Variants in GALNT17 observed in about 807,000 individuals in gnomAD.
The protein encoded by GALNT17 is UDP-GalNAc:polypeptide N-acetylgalactosaminyltransferase-like 3.
In GALNT17, 29 loss-of-function variants were observed where a neutral mutation model predicts 63.7. The observed-to-expected ratio is 0.46, with a 90% CI of 0.34 to 0.62. The LOEUF (loss-of-function observed/expected upper bound fraction) is 0.62, where lower values mean the gene tolerates loss of function less well. Among genes scored for constraint, GALNT17 ranks in the 20% least tolerant of loss-of-function variants. GALNT17 has a pLI of 0.01. For missense variants in GALNT17, 603 were observed against 799.6 expected (o/e 0.75, Z 2.97); for synonymous variants, 305 against 318.3 (o/e 0.96, Z 0.45).
intron 1 of GALNT17, among the ~76,000 whole-genome samples, chr7:71,135,146 C>T (rs1046508640): frequency 3.9e-4 from 59 of 152,112 alleles, no homozygotes; most frequent in African/African-American, 1.4e-3. Context: ...GCCACCATGC[C>T]TGGCCCCAGT....
intron 5 of GALNT17, among the ~76,000 whole-genome samples, chr7:71,430,190 G>A (rs556955420): frequency 4.5e-4 from 69 of 152,238 alleles, no homozygotes; most frequent in African/African-American, 1.6e-3. Context: ...AAATTCAGTT[G>A]TGTTTTGTTA....
In GALNT17 at chr7:71,384,073, A is replaced by C. The variant is rs567623779; in HGVS notation, c.423-4162A>C. ...TCCATCAACAGTGCACAAGGGTTTC[A>C]ATTTCTCCGCATCCTCTTCAACACT... On this transcript the variant is annotated intron_variant, in intron 2 of 10. Coordinates refer to ENST00000333538, the MANE Select transcript of GALNT17 (RefSeq NM_022479.3). Among the ~76,000 whole-genome samples, 14 of 152,080 alleles carry C rather than the reference A, an allele frequency of 9.2e-5. No homozygotes were observed. In the South Asian group the frequency reaches 2.5e-3, roughly 27 times the overall value.
intron 5 of GALNT17, among the ~76,000 whole-genome samples, chr7:71,553,716 C>G (rs992090970): frequency 6.6e-6 from 1 of 152,188 alleles, no homozygotes. Flanking sequence ...CTCCAGCCCT[C>G]GTGTTCACTG....
chr7:71,160,816 GGTACGGCC>G (rs1352499402), intron 1 of GALNT17, among the ~76,000 whole-genome samples: 1 of 152,096 alleles, frequency 6.6e-6, no homozygotes, highest in East Asian at 1.9e-4. Flanking sequence ...TAGGCCAAAA[GGTACGGCC>G]TTTTCAAGGA....
chr7:71,194,322 A>G (rs1789007027), intron 1 of GALNT17, among the ~76,000 whole-genome samples: 1 of 152,194 alleles, frequency 6.6e-6, no homozygotes, highest in Non-Finnish European at 1.5e-5. Flanking sequence ...TCGAATAGTT[A>G]TTTGAAATTC....
At chr7:71,269,567 A>G (rs1278248695) in intron 1 of GALNT17, among the ~76,000 whole-genome samples, 1 of 152,142 alleles carries the variant, frequency 6.6e-6, no homozygotes, top group Non-Finnish European at 1.5e-5. Context: ...GGCTGGAGGA[A>G]GTATGGAGGG....
At chr7:71,377,892 T>C (rs984522639) in intron 2 of GALNT17, among the ~76,000 whole-genome samples, 1 of 152,200 alleles carries the variant, frequency 6.6e-6, no homozygotes, top group Non-Finnish European at 1.5e-5. Context: ...TCTGCTATGA[T>C]TGTAAGTTTC....
rs369207809 is a variant in GALNT17, at chr7:71,576,124, A to G, written c.1080+4722A>G. Among the ~76,000 whole-genome samples, 26 of 152,312 alleles carry G rather than the reference A, an allele frequency of 1.7e-4. 1 individual carries two copies. In the East Asian group the frequency reaches 5.0e-3, roughly 29 times the overall value. Reference sequence around the variant, plus strand: ...CTCTAATATATCAGTCCATTTACGAAGAAAAGGCATTCTCTTCTTCTGTTC... The same window carrying G: ...CTCTAATATATCAGTCCATTTACGAGGAAAAGGCATTCTCTTCTTCTGTTC... On this transcript the variant is annotated intron_variant, in intron 6 of 10. Coordinates refer to ENST00000333538, the MANE Select transcript of GALNT17 (RefSeq NM_022479.3).
chr7:71,601,941 C>T (rs10237977), intron 6 of GALNT17, among the ~76,000 whole-genome samples: 13,629 of 152,238 alleles, frequency 0.09, 739 homozygotes, highest in African/African-American at 0.16. Flanking sequence ...TGCCTTTGTG[C>T]GGATCTTCCC....
intron 9 of GALNT17, among the ~76,000 whole-genome samples, chr7:71,681,201 CCA>C (rs1265880548): frequency 2.6e-5 from 4 of 152,138 alleles, no homozygotes; most frequent in Admixed American, 2.6e-4. Context: ...GCACCCAGCC[CCA>C]GTTTTGCATT....
chr7:71,673,121 T>C (rs557587767), intron 8 of GALNT17, among the ~76,000 whole-genome samples: 24 of 152,254 alleles, frequency 1.6e-4, no homozygotes, highest in African/African-American at 5.8e-4. Context: ...AAACAAGCCT[T>C]TTAAAAAGCA....
chr7:71,282,288 A>G (rs1021937301), intron 1 of GALNT17, among the ~76,000 whole-genome samples: 4 of 152,222 alleles, frequency 2.6e-5, no homozygotes, highest in African/African-American at 9.6e-5. Context: ...AGTGCAGTTT[A>G]GCAAACATCT....
chr7:71,491,124 G>A (rs2116673329), intron 5 of GALNT17, among the ~76,000 whole-genome samples: 1 of 152,216 alleles, frequency 6.6e-6, no homozygotes, highest in East Asian at 1.9e-4. Flanking sequence ...AACCCAGGAG[G>A]CAGAGGTTGC....
At chr7:71,361,520 A>G (rs754237011) in intron 2 of GALNT17, among the ~76,000 whole-genome samples, 5 of 152,160 alleles carry the variant, frequency 3.3e-5, no homozygotes, top group Non-Finnish European at 5.9e-5. Context: ...TATATTTACT[A>G]TATAGTAGAC....
At chr7:71,683,039 C>T (rs1791291609) in intron 9 of GALNT17, among the ~76,000 whole-genome samples, 1 of 152,086 alleles carries the variant, frequency 6.6e-6, no homozygotes, top group Admixed American at 6.6e-5. Context: ...TTCCCAGTTC[C>T]ACCTGCGTGC....
At chr7:71,472,006 T>A (rs1787640490) in intron 5 of GALNT17, among the ~76,000 whole-genome samples, 2 of 152,038 alleles carry the variant, frequency 1.3e-5, no homozygotes, top group Admixed American at 6.6e-5. Flanking sequence ...CCGGGTGGCT[T>A]ATAAACAACA....
At chr7:71,398,832 A>T (rs1354581804) in intron 3 of GALNT17, among the ~76,000 whole-genome samples, 1 of 152,246 alleles carries the variant, frequency 6.6e-6, no homozygotes, top group Non-Finnish European at 1.5e-5. Flanking sequence ...AGTAAATTTC[A>T]TGTTATGTCC....
At chr7:71,437,562 C>T (rs1259068207) in intron 5 of GALNT17, among the ~76,000 whole-genome samples, 3 of 152,178 alleles carry the variant, frequency 2.0e-5, no homozygotes, top group Non-Finnish European at 4.4e-5. Context: ...CCGTCCACAG[C>T]TGACTGCTGC....
chr7:71,585,593 G>A (rs113519170), intron 6 of GALNT17, among the ~76,000 whole-genome samples: 14 of 151,580 alleles, frequency 9.2e-5, no homozygotes, highest in African/African-American at 2.7e-4. Context: ...GACCAATGAG[G>A]TTTTCTTTTT....
Sources: allele counts gnomAD v4.1 joint callset (sites outside exome capture counted in the v4.1 genomes callset), GRCh38; gene constraint gnomAD v4.1.1; transcripts MANE v1.5; gene names NCBI Gene and HGNC (gene_info 2026-07-23, HGNC 2026-07-21).